GFRA1: variants seen among roughly 807,000 people sequenced by gnomAD.
GFRA1 encodes the protein GDNF family receptor alpha-1.
A neutral mutation model predicts 51.6 loss-of-function variants in GFRA1; 16 were observed. That is an observed-to-expected ratio of 0.31 (90% CI 0.21 to 0.47). The LOEUF (loss-of-function observed/expected upper bound fraction) is 0.47. Ranked by LOEUF, GFRA1 falls within the 20% of genes least tolerant of loss-of-function variation. The probability of loss-of-function intolerance (pLI) is 1.00; values close to 1 mark genes in which losing one functional copy is unlikely to be tolerated. For missense variants in GFRA1, 530 were observed against 594.3 expected (o/e 0.89, Z 1.13); for synonymous variants, 270 against 241.3 (o/e 1.12, Z -1.10).
intron 5 of GFRA1, among the ~76,000 whole-genome samples, chr10:116,205,732 T>C (rs1964698204): frequency 6.6e-6 from 1 of 151,822 alleles, no homozygotes; most frequent in Admixed American, 6.6e-5. Context: ...AAGTTAGCGG[T>C]GGGAGACCCT....
At chr10:116,246,277 A>G (rs1967858933) in intron 4 of GFRA1, among the ~76,000 whole-genome samples, 1 of 152,136 alleles carries the variant, frequency 6.6e-6, no homozygotes, top group African/African-American at 2.4e-5. Flanking sequence ...TAAAAATACA[A>G]AAAACTAGCC....
At position 116,149,631 on chromosome 10, in the gene GFRA1, C is replaced by T. The variant is rs557601109; in HGVS notation, c.434-24074G>A. Among the ~76,000 whole-genome samples, 8 of 152,280 alleles carry T rather than the reference C, an allele frequency of 5.3e-5. No individual in the cohort carries two copies. The South Asian group carries it at 1.7e-3, about 32-fold the overall frequency. ...TTTGAATAAGTTCAGGTAGATTTCA[C>T]CTGCCTGTCTACCTAATGGACTCAG... On this transcript the variant is annotated intron_variant, in intron 5 of 10. Coordinates refer to ENST00000355422, the MANE Select transcript of GFRA1 (RefSeq NM_005264.8).
At chr10:116,106,920 ACTCT>A (rs1957028727) in intron 6 of GFRA1, among the ~76,000 whole-genome samples, 1 of 151,266 alleles carries the variant, frequency 6.6e-6, no homozygotes, top group African/African-American at 2.4e-5. Context: ...TCCTTCCTCC[ACTCT>A]CTCTCTTGCT....
At chr10:116,187,068 A>G (rs913898469) in intron 5 of GFRA1, among the ~76,000 whole-genome samples, 10 of 152,250 alleles carry the variant, frequency 6.6e-5, no homozygotes, top group Admixed American at 2.0e-4. Flanking sequence ...TTGTGTTCAG[A>G]TAACTGTGCT....
chr10:116,219,444 G>A (rs1050987973), intron 4 of GFRA1, among the ~76,000 whole-genome samples: 2 of 152,072 alleles, frequency 1.3e-5, no homozygotes, highest in Admixed American at 1.3e-4. Context: ...TGGGCTTAAT[G>A]AATTCATGTA....
At chr10:116,193,779 C>T (rs528489397) in intron 5 of GFRA1, among the ~76,000 whole-genome samples, 2 of 151,782 alleles carry the variant, frequency 1.3e-5, no homozygotes, top group African/African-American at 4.8e-5. Context: ...GCTCATGGGC[C>T]GGGCGCGGTG....
chr10:116,160,262 C>T (rs1168183362), intron 5 of GFRA1, among the ~76,000 whole-genome samples: 2 of 152,242 alleles, frequency 1.3e-5, no homozygotes, highest in Non-Finnish European at 2.9e-5. Context: ...AACAGCACTA[C>T]AGAGTCAAAG....
chr10:116,110,077 A>T (rs766704979), intron 6 of GFRA1, among the ~76,000 whole-genome samples: 32 of 152,312 alleles, frequency 2.1e-4, no homozygotes, highest in Non-Finnish European at 4.0e-4. Flanking sequence ...CACAGCCCTG[A>T]GAGGCAGGGA....
intron 4 of GFRA1, among the ~76,000 whole-genome samples, chr10:116,249,466 CT>C (rs1968136654): frequency 6.6e-6 from 1 of 152,184 alleles, no homozygotes; most frequent in Non-Finnish European, 1.5e-5. Flanking sequence ...TCCTGTCCTA[CT>C]TCTGGCCTTC....
chr10:116,062,016 G>C lies in GFRA1; in HGVS notation c.*2382C>G. 1 of 398,532 alleles carries C rather than the reference G, an allele frequency of 2.5e-6. No individual in the cohort carries two copies. The allele number at this position is 398,532 out of a possible 1,614,324, so 24.7% of individuals were successfully genotyped here. A position where few individuals can be genotyped will look rare whatever the true frequency, so the allele number is the denominator to read the frequency against. ...ACTTGAATATGCTTTTATCACTGAA[G>C]AAAAATGAGATATTTGTTGGTGACA... is the stretch of plus-strand genomic sequence containing the variant. On this transcript the variant is annotated 3_prime_UTR_variant, in exon 11 of 11. Transcript: ENST00000355422.
intron 4 of GFRA1, among the ~76,000 whole-genome samples, chr10:116,231,790 T>C (rs1278289705): frequency 6.6e-6 from 1 of 152,222 alleles, no homozygotes; most frequent in Admixed American, 6.5e-5. Context: ...GCTAATGCTC[T>C]GTGACAGGCA....
chr10:116,224,410 A>G (rs937577073), intron 4 of GFRA1, among the ~76,000 whole-genome samples: 1 of 152,270 alleles, frequency 6.6e-6, no homozygotes, highest in Non-Finnish European at 1.5e-5. Context: ...TAGAAGCATT[A>G]GTCATAATAA....
chr10:116,123,784 G>C (rs143487010), intron 6 of GFRA1, among the ~76,000 whole-genome samples: 1 of 152,272 alleles, frequency 6.6e-6, no homozygotes, highest in East Asian at 1.9e-4. Context: ...CTAAGTTCTG[G>C]GAAGGACACA....
intron 5 of GFRA1, among the ~76,000 whole-genome samples, chr10:116,178,301 G>GT (rs892772988): frequency 2.0e-5 from 2 of 100,654 alleles, no homozygotes; most frequent in South Asian, 3.9e-4. Flanking sequence ...CAAGGGGCCG[G>GT]GGGGGCGTTT....
intron 5 of GFRA1, among the ~76,000 whole-genome samples, chr10:116,201,477 T>C (rs1964326380): frequency 1.3e-5 from 2 of 152,078 alleles, no homozygotes; most frequent in Admixed American, 6.6e-5. Context: ...TATACTTGTT[T>C]TGGTCTCCAC....
At chr10:116,254,319 C>A (rs78428464) in intron 4 of GFRA1, among the ~76,000 whole-genome samples, 217 of 106,744 alleles carry the variant, frequency 2.0e-3, no homozygotes, top group African/African-American at 2.7e-3. Context: ...GAGCCTCTGT[C>A]AAAAAAAAAA....
chr10:116,195,275 G>A (rs1028230784), intron 5 of GFRA1, among the ~76,000 whole-genome samples: 5 of 152,126 alleles, frequency 3.3e-5, no homozygotes, highest in Admixed American at 1.3e-4. Context: ...TTCACAGCCA[G>A]ACTGAGACAC....
At chr10:116,168,413 AAC>A (rs1166006066) in intron 5 of GFRA1, among the ~76,000 whole-genome samples, 2 of 152,192 alleles carry the variant, frequency 1.3e-5, no homozygotes, top group African/African-American at 2.4e-5. Flanking sequence ...ATGTGATCAA[AAC>A]AGAGTTTCCA....
intron 4 of GFRA1, among the ~76,000 whole-genome samples, chr10:116,247,221 C>T (rs1338954938): frequency 1.3e-5 from 2 of 152,172 alleles, no homozygotes; most frequent in Non-Finnish European, 2.9e-5. Context: ...TTCTCTCCTT[C>T]TCTCACTCCA....
Sources: allele counts gnomAD v4.1 joint callset (sites outside exome capture counted in the v4.1 genomes callset), GRCh38; gene constraint gnomAD v4.1.1; transcripts MANE v1.5; gene names NCBI Gene and HGNC (gene_info 2026-07-23, HGNC 2026-07-21).